Variants in CHD6 observed in about 807,000 individuals in gnomAD.
CHD6 encodes ATP-dependent chromatin remodeler CHD6.
Under a neutral mutation model 276.9 loss-of-function variants are expected in CHD6, and 50 were observed. The ratio of observed to expected loss-of-function variants is 0.18; its 90% confidence interval spans 0.14 to 0.23. CHD6 has a LOEUF of 0.23. CHD6 is among the 10% of genes least tolerant of loss of function. The pLI, the probability that CHD6 is intolerant of heterozygous loss-of-function variation, is 1.00. For missense variants in CHD6, 2,564 were observed against 3,365.8 expected (o/e 0.76, Z 5.89); for synonymous variants, 1,173 against 1,229.3 (o/e 0.95, Z 0.96).
intron 1 of CHD6, among the ~76,000 whole-genome samples, chr20:41,553,196 G>A (rs1358543504): frequency 3.3e-5 from 5 of 152,042 alleles, no homozygotes; most frequent in Admixed American, 6.6e-5. Context: ...AAGAAGTTTG[G>A]GGGAAAATTC....
intron 1 of CHD6, among the ~76,000 whole-genome samples, chr20:41,585,927 G>T (rs1347220966): frequency 6.6e-6 from 1 of 152,174 alleles, no homozygotes; most frequent in Non-Finnish European, 1.5e-5. Context: ...GCTGGGAAGG[G>T]GACTGCACCC....
chr20:41,465,340 G>A (rs2042896752), intron 17 of CHD6, among the ~76,000 whole-genome samples: 1 of 152,176 alleles, frequency 6.6e-6, no homozygotes, highest in African/African-American at 2.4e-5. Flanking sequence ...CTGATACAAT[G>A]CACTGAGGAG....
intron 1 of CHD6, among the ~76,000 whole-genome samples, chr20:41,573,494 T>C (rs2045440578): frequency 1.3e-5 from 2 of 152,214 alleles, no homozygotes; most frequent in Non-Finnish European, 2.9e-5. Context: ...TTGCAGATTA[T>C]TGTGATTAAA....
chr20:41,532,978 G>T, intron 3 of CHD6, 72 bp downstream of exon 3: 1 of 1,490,396 alleles, frequency 6.7e-7, no homozygotes, highest in Non-Finnish European at 9.0e-7. Flanking sequence ...CTAGGGGCTT[G>T]GGCTAATGCC....
At chr20:41,570,618 G>A (rs1007223920) in intron 1 of CHD6, among the ~76,000 whole-genome samples, 1 of 152,310 alleles carries the variant, frequency 6.6e-6, no homozygotes, top group South Asian at 2.1e-4. Context: ...TCTGTGATAT[G>A]TTTGCAGTAA....
At chr20:41,480,347 C>T (rs895050188) in intron 16 of CHD6, among the ~76,000 whole-genome samples, 18 of 152,242 alleles carry the variant, frequency 1.2e-4, no homozygotes, top group African/African-American at 4.1e-4. Flanking sequence ...GAGATTTAGA[C>T]AACCAGGGTA....
intron 5 of CHD6, among the ~76,000 whole-genome samples, chr20:41,504,653 C>T (rs1344207348): frequency 6.6e-6 from 1 of 152,114 alleles, no homozygotes; most frequent in African/African-American, 2.4e-5. Context: ...CAAAGCAATA[C>T]TCCAGCCTTG....
intron 31 of CHD6, among the ~76,000 whole-genome samples, chr20:41,419,823 T>C (rs2047128301): frequency 6.6e-6 from 1 of 152,138 alleles, no homozygotes; most frequent in African/African-American, 2.4e-5. Flanking sequence ...TCAGGATCCC[T>C]GATCACTGTA....
At chr20:41,502,333 A>T (rs868668220) in intron 5 of CHD6, among the ~76,000 whole-genome samples, 4 of 152,224 alleles carry the variant, frequency 2.6e-5, no homozygotes, top group African/African-American at 9.6e-5. Context: ...TTAAAAAATT[A>T]AAAAATATGT....
At position 41,413,519 on chromosome 20, in the gene CHD6, G is replaced by C. The variant is rs1421305477; in HGVS notation, c.6940-4C>G. ...GCCCTGGGTCTTCATGGACTTCCTG[G>C]ATGAAGGAAAAACGAGTATGTATAA... On this transcript the variant is annotated splice_polypyrimidine_tract_variant and splice_region_variant and intron_variant, in intron 34 of 36. Transcript: ENST00000373233. The C allele has an allele frequency of 6.5e-7, 1 of 1,534,690 alleles. No homozygotes were observed. The highest frequency in any genetic ancestry group is 8.8e-7 in the Non-Finnish European group (1 of 1,141,232).
At chr20:41,488,725 G>C in intron 12 of CHD6, 121 bp from the exon 13 acceptor site, 1 of 780,676 alleles carries the variant, frequency 1.3e-6, no homozygotes, top group South Asian at 2.0e-5. Context: ...GACAAGCACT[G>C]CTTTTCCTCA....
chr20:41,530,787 T>A (rs1256142238), intron 3 of CHD6, among the ~76,000 whole-genome samples: 2 of 152,230 alleles, frequency 1.3e-5, no homozygotes, highest in African/African-American at 2.4e-5. Flanking sequence ...AGAAAGCTCA[T>A]GTAACTTGTC....
chr20:41,609,014 A>AG (rs2045858357), intron 1 of CHD6, among the ~76,000 whole-genome samples: 1 of 152,248 alleles, frequency 6.6e-6, no homozygotes, highest in Admixed American at 6.5e-5. Flanking sequence ...CAGCATTCCA[A>AG]GGACAAGTGG....
At chr20:41,426,735 A>G (rs1259324487) in intron 27 of CHD6, among the ~76,000 whole-genome samples, 1 of 152,168 alleles carries the variant, frequency 6.6e-6, no homozygotes, top group African/African-American at 2.4e-5. Flanking sequence ...GTAATATCAC[A>G]AGCACTGAGC....
chr20:41,585,561 T>A (rs2045586241), intron 1 of CHD6, among the ~76,000 whole-genome samples: 1 of 149,230 alleles, frequency 6.7e-6, no homozygotes, highest in Non-Finnish European at 1.5e-5. Flanking sequence ...GTCCTTTACC[T>A]ATGAAAGATG....
chr20:41,583,511 C>A (rs894966085), intron 1 of CHD6, among the ~76,000 whole-genome samples: 3 of 152,104 alleles, frequency 2.0e-5, no homozygotes, highest in Non-Finnish European at 2.9e-5. Flanking sequence ...ACCTGCACTA[C>A]AAGAAATGGT....
At chr20:41,592,707 G>C (rs1247315522) in intron 1 of CHD6, among the ~76,000 whole-genome samples, 2 of 152,102 alleles carry the variant, frequency 1.3e-5, no homozygotes, top group Non-Finnish European at 2.9e-5. Flanking sequence ...CATGACTAAG[G>C]GAAGGAACAA....
intron 2 of CHD6, among the ~76,000 whole-genome samples, chr20:41,548,514 A>C (rs191281490): frequency 1.3e-5 from 2 of 152,352 alleles, no homozygotes; most frequent in Admixed American, 6.5e-5. Context: ...TAAAGACTTA[A>C]ATGTTAGACC....
chr20:41,546,322 T>C (rs1052376901), intron 2 of CHD6, among the ~76,000 whole-genome samples: 6 of 152,146 alleles, frequency 3.9e-5, no homozygotes, highest in African/African-American at 1.4e-4. Context: ...TACCCAACTC[T>C]TGGCATGGGG....
Sources: allele counts gnomAD v4.1 joint callset (sites outside exome capture counted in the v4.1 genomes callset), GRCh38; gene constraint gnomAD v4.1.1; transcripts MANE v1.5; gene names NCBI Gene and HGNC (gene_info 2026-07-23, HGNC 2026-07-21).